The following KIF13A variants were observed in gnomAD, a reference collection of about 807,000 sequenced individuals.
The protein encoded by KIF13A is kinesin family member 13A, also known as kinesin-like protein KIF13A.
In KIF13A, 79 loss-of-function variants were observed where a neutral mutation model predicts 212.2. The ratio of observed to expected loss-of-function variants is 0.37; its 90% confidence interval spans 0.31 to 0.45. KIF13A has a LOEUF of 0.45. Among genes scored for constraint, KIF13A ranks in the 20% least tolerant of loss-of-function variants. KIF13A has a pLI of 1.00. For synonymous variants in KIF13A, 789 were observed against 808.6 expected (o/e 0.98, Z 0.41); for missense variants, 1,901 against 2,209.0 (o/e 0.86, Z 2.79).
Position 17,763,993 on chromosome 6 carries a change from G to T in KIF13A, c.*117C>A. 1 of 1,461,414 alleles carries T rather than the reference G, an allele frequency of 6.8e-7. No individual in the cohort carries two copies. Among genetic ancestry groups the T allele is most frequent in the Non-Finnish European group, 9.0e-7 (1 of 1,106,260 alleles). The allele number at this position is 1,461,414 out of a possible 1,614,324, so 90.5% of individuals were successfully genotyped here. A position where few individuals can be genotyped will look rare whatever the true frequency, so the allele number is the denominator to read the frequency against. On this transcript the variant is annotated 3_prime_UTR_variant, in exon 39 of 39. Transcript: ENST00000259711. Reference sequence around the variant, plus strand: ...GCTCTCCGACAGAGACAGCTGTGCAGGAAGTGAGCCTGCTTCTCTGTGGGC... The same window carrying T: ...GCTCTCCGACAGAGACAGCTGTGCATGAAGTGAGCCTGCTTCTCTGTGGGC...
chr6:17,969,759 G>A (rs1275373499), intron 2 of KIF13A, among the ~76,000 whole-genome samples: 2 of 152,062 alleles, frequency 1.3e-5, no homozygotes, highest in Non-Finnish European at 2.9e-5. Flanking sequence ...GTTTACTTGG[G>A]AAATCTTTTG....
intron 2 of KIF13A, among the ~76,000 whole-genome samples, chr6:17,979,776 AAAAG>A (rs567704725): frequency 4.9e-4 from 75 of 152,206 alleles, no homozygotes; most frequent in African/African-American, 1.6e-3. Context: ...TGAAAAAAAA[AAAAG>A]AGAGACTAAA....
chr6:17,876,114 C>T (rs1458542300), intron 3 of KIF13A, among the ~76,000 whole-genome samples: 1 of 152,156 alleles, frequency 6.6e-6, no homozygotes, highest in Non-Finnish European at 1.5e-5. Context: ...CAGCATATCC[C>T]TTAGCAAATG....
At chr6:17,960,726 C>A (rs1338938804) in intron 2 of KIF13A, among the ~76,000 whole-genome samples, 2 of 152,096 alleles carry the variant, frequency 1.3e-5, no homozygotes, top group African/African-American at 4.8e-5. Context: ...TATGTCATTC[C>A]TCAGAGGTAT....
chr6:17,778,964 G>C lies in KIF13A; in HGVS notation c.4075C>G (p.Leu1359Val). The change falls in exon 33 of 39, where the codon CTT (leucine) becomes GTT (valine). Residue 1359 changes from leucine to valine, a missense_variant. Coordinates refer to ENST00000259711, the MANE Select transcript of KIF13A (RefSeq NM_022113.6). ...GVLQVENILS[L>V]ERLRQAVTVK... ...TTACTTGCCTGCCGGAGCCGTTCAA[G>C]ACTCAGAATGTTTTCCACCTGCAGC... 1 of 1,600,982 alleles carries C rather than the reference G, an allele frequency of 6.2e-7. No homozygotes were observed. Among genetic ancestry groups the C allele is most frequent in the Non-Finnish European group, 8.5e-7 (1 of 1,173,854 alleles).
intron 2 of KIF13A, among the ~76,000 whole-genome samples, chr6:17,917,447 C>T (rs973794008): frequency 6.6e-6 from 1 of 151,880 alleles, no homozygotes; most frequent in Non-Finnish European, 1.5e-5. Flanking sequence ...CGCTATGTTG[C>T]CCAGGCTGGT....
At chr6:17,909,548 AG>A (rs1300603617) in intron 2 of KIF13A, among the ~76,000 whole-genome samples, 1 of 150,962 alleles carries the variant, frequency 6.6e-6, no homozygotes, top group African/African-American at 2.4e-5. Context: ...AAAAAAAAAA[AG>A]GAAAAAAAAA....
At chr6:17,921,675 T>A (rs1775081837) in intron 2 of KIF13A, among the ~76,000 whole-genome samples, 1 of 151,818 alleles carries the variant, frequency 6.6e-6, no homozygotes, top group Non-Finnish European at 1.5e-5. Context: ...AGAATCAAGG[T>A]GGGGAGAGAG....
intron 4 of KIF13A, among the ~76,000 whole-genome samples, chr6:17,859,638 A>ATATATTTTTTTTTTT (rs1461455926): frequency 2.7e-5 from 3 of 111,862 alleles, no homozygotes; most frequent in African/African-American, 1.0e-4. Flanking sequence ...ATATATATAT[A>ATATATTTTTTTTTTT]TTTTTTTTTT....
At chr6:17,930,803 T>C (rs1283685156) in intron 2 of KIF13A, among the ~76,000 whole-genome samples, 8 of 152,218 alleles carry the variant, frequency 5.3e-5, no homozygotes, top group Admixed American at 5.2e-4. Context: ...TGAGTTCACT[T>C]GATCATTGTG....
At chr6:17,859,062 T>A (rs997976127) in intron 4 of KIF13A, among the ~76,000 whole-genome samples, 9 of 152,332 alleles carry the variant, frequency 5.9e-5, no homozygotes, top group African/African-American at 2.2e-4. Context: ...CTGCTCCTGA[T>A]GCTGAATACG....
rs1378062874 is a variant in KIF13A at position 17,801,641 on chromosome 6, T to C, written c.2455-1528A>G. ...TAACACATATTTACCAAGAACTAACTGTGCCAGGAACTGTGCTATGAGCAT... is the reference window on the plus strand; with the variant it reads ...TAACACATATTTACCAAGAACTAACCGTGCCAGGAACTGTGCTATGAGCAT... On this transcript the variant is annotated intron_variant, in intron 20 of 38. Coordinates refer to ENST00000259711, the MANE Select transcript of KIF13A (RefSeq NM_022113.6). Among the ~76,000 whole-genome samples, 6 of 152,228 alleles carry C rather than the reference T, an allele frequency of 3.9e-5. No individual in the cohort carries two copies. The East Asian group carries it at 9.6e-4, about 24-fold the overall frequency.
intron 13 of KIF13A, among the ~76,000 whole-genome samples, chr6:17,830,293 T>G (rs755605906): frequency 1.3e-5 from 2 of 152,200 alleles, no homozygotes; most frequent in Non-Finnish European, 2.9e-5. Context: ...TGTGTGTGTA[T>G]TGGTGGAATT....
In KIF13A at chr6:17,796,825, G is replaced by A. The variant is rs780505553; in HGVS notation, c.2791-5C>T. ...TGTTACATTCACCACATAGTCCTGGGATAAGTGGGGGAAAGCAAAAGAATT... is the reference window on the plus strand; with the variant it reads ...TGTTACATTCACCACATAGTCCTGGAATAAGTGGGGGAAAGCAAAAGAATT... On this transcript the variant is annotated splice_polypyrimidine_tract_variant and splice_region_variant and intron_variant, in intron 22 of 38. Transcript: ENST00000259711. 1.3e-6 allele frequency: 2 copies of A among 1,491,202 alleles called. No individual in the cohort carries two copies. 92.4% of individuals were successfully genotyped at this position (1,491,202 alleles called of 1,614,324 possible).
chr6:17,802,586 G>A (rs939981706), intron 20 of KIF13A, among the ~76,000 whole-genome samples: 6 of 151,846 alleles, frequency 4.0e-5, no homozygotes, highest in Non-Finnish European at 8.8e-5. Flanking sequence ...CACCACACCC[G>A]GCCAAGCTTT....
chr6:17,906,592 G>A (rs1773524529), intron 2 of KIF13A, among the ~76,000 whole-genome samples: 1 of 151,672 alleles, frequency 6.6e-6, no homozygotes, highest in Non-Finnish European at 1.5e-5. Context: ...GGGACTACAG[G>A]TGTGCACTAC....
In KIF13A at chr6:17,825,504, C is replaced by T. The variant is rs558640437; in HGVS notation, c.1786+264G>A. On this transcript the variant is annotated intron_variant, in intron 16 of 38. Transcript: ENST00000259711. This position sits in a 1 kb window ranked among gnomAD's most constrained non-coding sequence, Gnocchi z 4.5. ...TGTCAAAATCATTCAGTACTCTAGG[C>T]CCGTGGAAATGTCACCACAATTCGC... Among the ~76,000 whole-genome samples, 1 of 152,222 alleles carries T rather than the reference C, an allele frequency of 6.6e-6. No homozygotes were observed. The highest frequency in any genetic ancestry group is 2.4e-5 in the African/African-American group (1 of 41,528).
intron 4 of KIF13A, among the ~76,000 whole-genome samples, chr6:17,866,907 A>C (rs1022707982): frequency 1.3e-4 from 19 of 149,410 alleles, no homozygotes; most frequent in African/African-American, 4.7e-4. Context: ...ACACTTAAAA[A>C]AATTTAACAC....
chr6:17,933,831 A>G (rs544202169), intron 2 of KIF13A, among the ~76,000 whole-genome samples: 116 of 152,272 alleles, frequency 7.6e-4, no homozygotes, highest in African/African-American at 2.7e-3. Context: ...GGGAAATTTC[A>G]ACTAGTTCGA....
Sources: allele counts gnomAD v4.1 joint callset (sites outside exome capture counted in the v4.1 genomes callset), GRCh38; gene constraint gnomAD v4.1.1; non-coding constraint Gnocchi (gnomAD v3.1); transcripts MANE v1.5; gene names NCBI Gene and HGNC (gene_info 2026-07-23, HGNC 2026-07-21).